Variants in NDRG4 observed in about 807,000 individuals in gnomAD.
The protein encoded by NDRG4 is NDRG family member 4.
In NDRG4, 38 loss-of-function variants were observed where a neutral mutation model predicts 55.8. That is an observed-to-expected ratio of 0.68 (90% confidence interval 0.53 to 0.89). NDRG4 has a LOEUF of 0.89. Ranked by LOEUF, NDRG4 falls within the 40% of genes least tolerant of loss-of-function variation. The probability of loss-of-function intolerance (pLI) is 0.00; values close to 1 mark genes in which losing one functional copy is unlikely to be tolerated. For synonymous variants in NDRG4, 190 were observed against 182.7 expected, an observed-to-expected ratio of 1.04 and a Z score of -0.32; for missense variants, 455 against 468.6, an observed-to-expected ratio of 0.97 and a Z score of 0.27.
In NDRG4 at chr16:58,465,051, G is replaced by C; in HGVS notation, c.-24+1254G>C. The C allele has an allele frequency of 4.7e-6, 6 of 1,271,306 alleles. 1 individual carries two copies. Among genetic ancestry groups the C allele is most frequent in the Non-Finnish European group, 6.1e-6 (6 of 979,286 alleles). 78.8% of individuals were successfully genotyped at this position (1,271,306 alleles called of 1,614,324 possible). A position where few individuals can be genotyped will look rare whatever the true frequency, so the allele number is the denominator to read the frequency against. On this transcript the variant is annotated intron_variant, in intron 1 of 15. Transcript: ENST00000258187. ...AGGGGGCAGTGGCTGGAGAGCAAGA[G>C]CGAACGGTCAGGAAGAGGAGGTGGG...
At chr16:58,465,823 G>C (rs1163139798) in intron 1 of NDRG4, among the ~76,000 whole-genome samples, 1 of 152,218 alleles carries the variant, frequency 6.6e-6, no homozygotes, top group African/African-American at 2.4e-5. Flanking sequence ...ACTGGAAACT[G>C]ACTGGGTGCT....
intron 1 of NDRG4, among the ~76,000 whole-genome samples, chr16:58,472,549 G>C (rs2033024787): frequency 6.6e-6 from 1 of 152,150 alleles, no homozygotes; most frequent in African/African-American, 2.4e-5. Context: ...CCGACCCCCT[G>C]GGACCATGCA....
rs940163374 is a variant in NDRG4 at position 58,500,145 on chromosome 16, A to G, written c.-104A>G. On this transcript the variant is annotated 5_prime_UTR_variant, in exon 1 of 15. Transcript: ENST00000570248. ...TGGCCCAGGAGCTGTGCCCCATCAC[A>G]GAGCCGACCATCTCCCACTCGAGCT... The G allele has an allele frequency of 1.0e-5, 16 of 1,534,864 alleles. No individual in the cohort carries two copies. The highest frequency in any genetic ancestry group is 1.4e-5 in the Non-Finnish European group (16 of 1,146,258).
chr16:58,507,131 G>A (rs1034472635), intron 8 of NDRG4, 116 bp downstream of exon 8: 57 of 775,742 alleles, frequency 7.3e-5, no homozygotes, highest in Admixed American at 7.2e-4. Flanking sequence ...AGATGGGCAC[G>A]ATATTGGGCC....
downstream of NDRG4, among the ~76,000 whole-genome samples, chr16:58,513,889 C>A (rs920468585): frequency 9.9e-5 from 15 of 152,164 alleles, no homozygotes; most frequent in Admixed American, 8.5e-4. Context: ...ACCTAGGAGG[C>A]AGAGGTGGTA....
At chr16:58,486,448 C>T (rs528266183) in intron 1 of NDRG4, among the ~76,000 whole-genome samples, 20 of 150,672 alleles carry the variant, frequency 1.3e-4, no homozygotes, top group African/African-American at 4.9e-4. Context: ...GCATGAGCCA[C>T]TGTGCCTGGC....
intron 1 of NDRG4, among the ~76,000 whole-genome samples, chr16:58,480,739 C>T (rs1244341330): frequency 6.6e-6 from 1 of 152,140 alleles, no homozygotes; most frequent in Admixed American, 6.5e-5. Flanking sequence ...GGTCGCTGTC[C>T]TCTGGGAGAT....
chr16:58,492,743 C>T (rs1054083757), intron 2 of NDRG4, among the ~76,000 whole-genome samples: 2 of 152,078 alleles, frequency 1.3e-5, no homozygotes, highest in Admixed American at 6.6e-5. Context: ...ACAAAACTGC[C>T]GCCTCTGTCC....
At position 58,512,080 on chromosome 16, in the gene NDRG4, G is replaced by C. The variant is rs1300961277; in HGVS notation, c.*504G>C. ...ACAATCATCTGGACAACAGCCACAA[G>C]GGGGCGCTCGGACCAGGCAGCCACT... On this transcript the variant is annotated 3_prime_UTR_variant, in exon 15 of 15. Transcript: ENST00000570248. 4.4e-6 allele frequency: 2 copies of C among 456,798 alleles called. No homozygotes were observed. The highest frequency in any genetic ancestry group is 4.4e-6 in the Non-Finnish European group (1 of 227,008). 28.3% of individuals were successfully genotyped at this position (456,798 alleles called of 1,614,324 possible).
At position 58,511,977 on chromosome 16, in the gene NDRG4, C is replaced by T. The variant is rs2038855508; in HGVS notation, c.*401C>T. 3 of 461,614 alleles carry T rather than the reference C, an allele frequency of 6.5e-6. No homozygotes were observed. The highest frequency in any genetic ancestry group is 8.7e-6 in the Non-Finnish European group (2 of 231,114). The allele number at this position is 461,614 out of a possible 1,614,324, so 28.6% of individuals were successfully genotyped here. The stretch of plus-strand genomic sequence containing the variant: ...CACAGGGGTGCGGGGCCAGCTCAGG[C>T]ACTGGCGTGGGAGCCCTGGGAGACC... On this transcript the variant is annotated 3_prime_UTR_variant, in exon 15 of 15. Transcript: ENST00000570248.
rs1275817375 is a variant in NDRG4 at position 58,511,456 on chromosome 16, C to T, written c.939C>T (p.Ser313=). 6.2e-7 allele frequency: 1 copy of T among 1,612,496 alleles called. No individual in the cohort carries two copies. Among genetic ancestry groups the T allele is most frequent in the South Asian group, 1.1e-5 (1 of 91,042 alleles). The change falls in exon 15 of 15, where the codon TCC becomes TCT. Residue 313 remains serine (S), a synonymous_variant. Coordinates refer to ENST00000570248, the MANE Select transcript of NDRG4 (RefSeq NM_001242835.2). ...CCAGCATGACCCGCCTGGCACGCTC[C>T]CGCACTGCATCCCTCACCAGTGCCA... The part of the protein sequence containing the change: ...PSASMTRLAR[S]RTASLTSASS...
At chr16:58,498,141 TGGAGTGGGCGTAGGATTG>T (rs1368846414), upstream of NDRG4, among the ~76,000 whole-genome samples, 1 of 151,824 alleles carries the variant, frequency 6.6e-6, no homozygotes, top group Non-Finnish European at 1.5e-5. Flanking sequence ...GGTCAGAGGT[TGGAGTGGGCGTAGGATTG>T]GGTGGGGCCT....
At chr16:58,499,794 C>T (rs1465005150), upstream of NDRG4, 3 of 297,178 alleles carry the variant, frequency 1.0e-5, no homozygotes, top group African/African-American at 4.5e-5. Context: ...ATGTCTGTGA[C>T]GACCCTGTGT....
chr16:58,476,822 A>T lies in NDRG4; in HGVS notation c.-23-10934A>T, dbSNP rs2033712900. 2.6e-5 allele frequency among the ~76,000 whole-genome samples: 4 copies of T among 152,336 alleles called. No individual in the cohort carries two copies. The South Asian group carries it at 8.3e-4, about 32-fold the overall frequency. ...TTCAATTATATTTTCCTTTTTAAAA[A>T]TTTACAAAAGTGATAGATGCTTTTT... On this transcript the variant is annotated intron_variant, in intron 1 of 15. Transcript: ENST00000258187.
rs1277352907 is a variant in NDRG4 at position 58,511,459 on chromosome 16, C to T, written c.942C>T (p.Arg314=). 2 of 1,612,616 alleles carry T rather than the reference C, an allele frequency of 1.2e-6. No individual in the cohort carries two copies. The highest frequency in any genetic ancestry group is 1.3e-5 in the African/African-American group (1 of 75,030). The change falls in exon 15 of 15, where the codon CGC becomes CGT. Residue 314 remains arginine (R), a synonymous_variant. Coordinates refer to ENST00000570248, the MANE Select transcript of NDRG4 (RefSeq NM_001242835.2). Reference sequence around the variant, plus strand: ...GCATGACCCGCCTGGCACGCTCCCGCACTGCATCCCTCACCAGTGCCAGCT... The same window carrying T: ...GCATGACCCGCCTGGCACGCTCCCGTACTGCATCCCTCACCAGTGCCAGCT... The part of the protein sequence containing the change: ...SASMTRLARS[R]TASLTSASSV...
intron 1 of NDRG4, among the ~76,000 whole-genome samples, chr16:58,502,690 G>A (rs1193675592): frequency 1.3e-5 from 2 of 152,204 alleles, no homozygotes; most frequent in Non-Finnish European, 2.9e-5. Flanking sequence ...GTAACATGCA[G>A]GAAGCCTGGC....
intron 1 of NDRG4, chr16:58,501,016 A>C: frequency 6.4e-6 from 8 of 1,245,706 alleles, no homozygotes; most frequent in Non-Finnish European, 8.0e-6. Flanking sequence ...GGAGCCGTGA[A>C]GCTGGCAGGG....
At chr16:58,510,198 G>A (rs529769183) in intron 13 of NDRG4, among the ~76,000 whole-genome samples, 24 of 152,328 alleles carry the variant, frequency 1.6e-4, no homozygotes, top group Non-Finnish European at 3.1e-4. Context: ...GGGCCCACAG[G>A]GAGGCTCCGC....
At chr16:58,465,120 G>T (rs1439834966) in intron 1 of NDRG4, 1 of 1,286,638 alleles carries the variant, frequency 7.8e-7, no homozygotes, top group Admixed American at 2.3e-5. Context: ...AGTGACTTCT[G>T]TGTTCTCCCC....
Sources: gnomAD v4.1 joint callset for allele counts (sites outside exome capture counted in the v4.1 genomes callset) on GRCh38, gnomAD v4.1.1 for gene constraint, MANE v1.5 for transcripts, NCBI Gene and HGNC (gene_info 2026-07-23, HGNC 2026-07-21) for gene names.